Variants in GABRB3 observed in about 807,000 individuals in gnomAD.
The protein encoded by GABRB3 is gamma-aminobutyric acid receptor subunit beta-3.
A neutral mutation model predicts 52.1 loss-of-function variants in GABRB3; 14 were observed. The ratio of observed to expected loss-of-function variants is 0.27; its 90% confidence interval spans 0.18 to 0.42. The LOEUF (loss-of-function observed/expected upper bound fraction) is 0.42, where lower values mean the gene tolerates loss of function less well. Ranked by LOEUF, GABRB3 falls within the 10% of genes least tolerant of loss-of-function variation. The pLI is 1.00. For missense variants in GABRB3, 307 were observed against 609.1 expected (o/e 0.50, Z 5.22); for synonymous variants, 260 against 232.3 (o/e 1.12, Z -1.08).
chr15:26,773,510 A>T, upstream of GABRB3: 1 of 530,966 alleles, frequency 1.9e-6, no homozygotes, highest in Non-Finnish European at 3.0e-6. Context: ...CGGCCGCCGA[A>T]GTTGGCCCCG....
At chr15:26,685,910 T>TCCTC (rs1428445287) in intron 3 of GABRB3, among the ~76,000 whole-genome samples, 3 of 151,874 alleles carry the variant, frequency 2.0e-5, no homozygotes, top group Non-Finnish European at 4.4e-5. Flanking sequence ...GTTCAGGTGT[T>TCCTC]CCTCCCACTT....
intron 4 of GABRB3, among the ~76,000 whole-genome samples, chr15:26,600,355 C>A (rs1891543945): frequency 6.6e-6 from 1 of 151,798 alleles, no homozygotes; most frequent in Admixed American, 6.6e-5. Context: ...CGTTCTTAAT[C>A]TAGTAATAGA....
chr15:26,578,942 A>G (rs1890690219), intron 6 of GABRB3, among the ~76,000 whole-genome samples: 1 of 152,236 alleles, frequency 6.6e-6, no homozygotes, highest in South Asian at 2.1e-4. Context: ...TAAACCTCTC[A>G]GTGCGTCTTC....
chr15:26,657,191 C>T (rs547925212), intron 3 of GABRB3: 3 of 152,250 alleles, frequency 2.0e-5, no homozygotes, highest in South Asian at 2.1e-4. Context: ...GGGGTTGGCC[C>T]TTTGTCGCCT....
At chr15:26,740,883 G>T (rs983421327) in intron 3 of GABRB3, among the ~76,000 whole-genome samples, 4 of 152,066 alleles carry the variant, frequency 2.6e-5, no homozygotes, top group Non-Finnish European at 4.4e-5. Flanking sequence ...CACCTCCCAG[G>T]TTCCCCAACA....
intron 6 of GABRB3, among the ~76,000 whole-genome samples, chr15:26,569,535 C>T (rs919894296): frequency 6.6e-6 from 1 of 152,156 alleles, no homozygotes; most frequent in African/African-American, 2.4e-5. Flanking sequence ...TTCCTGAATG[C>T]TGTAGATTTA....
At chr15:26,722,251 G>A (rs141496471) in intron 3 of GABRB3, among the ~76,000 whole-genome samples, 3 of 152,254 alleles carry the variant, frequency 2.0e-5, no homozygotes, top group East Asian at 3.9e-4. Context: ...AGATGGTTTC[G>A]GGAATTGCCA....
chr15:26,721,982 A>G (rs145860037), intron 3 of GABRB3, among the ~76,000 whole-genome samples: 131 of 152,304 alleles, frequency 8.6e-4, no homozygotes, highest in African/African-American at 2.9e-3. Context: ...CACCAAGCTC[A>G]GTTTTCCATC....
intron 4 of GABRB3, among the ~76,000 whole-genome samples, chr15:26,586,288 C>A (rs747797381): frequency 6.6e-6 from 1 of 151,908 alleles, no homozygotes; most frequent in Non-Finnish European, 1.5e-5. Context: ...TGAGCCACCG[C>A]GCCTGGCTTA....
intron 3 of GABRB3, among the ~76,000 whole-genome samples, chr15:26,770,386 T>G: frequency 6.6e-6 from 1 of 152,326 alleles, no homozygotes; most frequent in South Asian, 2.1e-4. Context: ...GAATATACAC[T>G]TAAAGATTGT....
At chr15:26,558,533 G>A (rs1206457104) in intron 8 of GABRB3, among the ~76,000 whole-genome samples, 2 of 152,138 alleles carry the variant, frequency 1.3e-5, no homozygotes, top group Non-Finnish European at 2.9e-5. Flanking sequence ...ATCTCATGTT[G>A]AACTGTAATC....
intron 4 of GABRB3, among the ~76,000 whole-genome samples, chr15:26,606,394 T>C (rs1891794162): frequency 6.6e-6 from 1 of 152,072 alleles, no homozygotes. Context: ...GGGACCAAAA[T>C]ATCTCATGTA....
intron 3 of GABRB3, among the ~76,000 whole-genome samples, chr15:26,733,456 A>G (rs552614429): frequency 3.9e-5 from 6 of 152,350 alleles, no homozygotes; most frequent in African/African-American, 1.4e-4. Flanking sequence ...CAAGGAGGTG[A>G]AAGACATGTA....
intron 6 of GABRB3, among the ~76,000 whole-genome samples, chr15:26,570,729 A>G (rs1459057722): frequency 6.6e-6 from 1 of 152,118 alleles, no homozygotes; most frequent in Non-Finnish European, 1.5e-5. Flanking sequence ...CTATACCTCA[A>G]GGTCTTGGTC....
intron 8 of GABRB3, among the ~76,000 whole-genome samples, chr15:26,552,552 T>C (rs1442278547): frequency 1.3e-5 from 2 of 152,080 alleles, no homozygotes; most frequent in Non-Finnish European, 2.9e-5. Context: ...GGGCTAGCTG[T>C]GGGAGTGCTA....
chr15:26,757,252 C>A (rs139472372), intron 3 of GABRB3, among the ~76,000 whole-genome samples: 2 of 152,134 alleles, frequency 1.3e-5, no homozygotes, highest in Admixed American at 6.5e-5. Context: ...GTCAGCTCCC[C>A]AGGCCAAGTG....
chr15:26,620,637 G>A (rs1892447710), intron 4 of GABRB3, among the ~76,000 whole-genome samples: 1 of 152,124 alleles, frequency 6.6e-6, no homozygotes, highest in Non-Finnish European at 1.5e-5. Context: ...AGAGACAGAA[G>A]GTTTTTAAGA....
chr15:26,588,495 G>A (rs1891076636), intron 4 of GABRB3, among the ~76,000 whole-genome samples: 1 of 152,112 alleles, frequency 6.6e-6, no homozygotes, highest in Non-Finnish European at 1.5e-5. Flanking sequence ...CCACTGGAAG[G>A]CAGATGCGGC....
At chr15:26,714,502 G>A (rs1410198254) in intron 3 of GABRB3, among the ~76,000 whole-genome samples, 1 of 152,170 alleles carries the variant, frequency 6.6e-6, no homozygotes, top group East Asian at 1.9e-4. Context: ...AGTCTGGAAA[G>A]GCCGAACAAC....
Sources: allele counts gnomAD v4.1 joint callset (sites outside exome capture counted in the v4.1 genomes callset), GRCh38; gene constraint gnomAD v4.1.1; transcripts MANE v1.5; gene names NCBI Gene and HGNC (gene_info 2026-07-23, HGNC 2026-07-21).